The following ITGB7 variants were observed in gnomAD, a reference collection of about 807,000 sequenced individuals.
The protein encoded by ITGB7 is integrin subunit beta 7.
In ITGB7, 55 loss-of-function variants were observed where a neutral mutation model predicts 83.4. That is an observed-to-expected ratio of 0.66 (90% CI 0.53 to 0.83). The LOEUF (loss-of-function observed/expected upper bound fraction) is 0.83. Ranked by LOEUF, ITGB7 falls within the 40% of genes least tolerant of loss-of-function variation. The pLI is 0.00. For missense variants in ITGB7, 921 were observed against 1,046.7 expected (o/e 0.88, Z 1.66); for synonymous variants, 454 against 423.6 (o/e 1.07, Z -0.88).
chr12:53,194,613 A>G (rs1379376545), intron 9 of ITGB7: 2 of 397,442 alleles, frequency 5.0e-6, no homozygotes, highest in Non-Finnish European at 9.4e-6. Context: ...CAGGTGCTGT[A>G]AATGTACAGA....
intron 1 of ITGB7, among the ~76,000 whole-genome samples, chr12:53,203,056 C>A (rs1229822441): frequency 6.6e-6 from 1 of 152,048 alleles, no homozygotes; most frequent in Non-Finnish European, 1.5e-5. Flanking sequence ...AAAGCACAAA[C>A]AACAAAAGGA....
At chr12:53,201,908 GA>G (rs1565708717) in intron 1 of ITGB7, among the ~76,000 whole-genome samples, 1 of 151,604 alleles carries the variant, frequency 6.6e-6, no homozygotes, top group East Asian at 1.9e-4. Context: ...CTCTTAAAAA[GA>G]AAAAAAGAAG....
At chr12:53,199,075 G>A (rs529931885) in intron 3 of ITGB7, among the ~76,000 whole-genome samples, 1 of 152,202 alleles carries the variant, frequency 6.6e-6, no homozygotes, top group Admixed American at 6.5e-5. Flanking sequence ...CCTTTCTCCT[G>A]GGTCCCTGTG....
intron 5 of ITGB7, 138 bp downstream of exon 5, chr12:53,197,355 C>T: frequency 2.2e-6 from 2 of 927,346 alleles, no homozygotes; most frequent in Non-Finnish European, 3.6e-6. Context: ...GATGCAGGAA[C>T]GAACCTGTGG....
At chr12:53,197,273 C>T (rs534803703) in intron 5 of ITGB7, 1 of 634,774 alleles carries the variant, frequency 1.6e-6, no homozygotes, top group Non-Finnish European at 2.9e-6. Flanking sequence ...GACGCTGGGT[C>T]TCAGGCCTGT....
chr12:53,191,646 G>A lies in ITGB7; in HGVS notation c.2317-10C>T. The A allele has an allele frequency of 6.2e-7, 1 of 1,610,208 alleles. No homozygotes were observed. Among genetic ancestry groups the A allele is most frequent in the Non-Finnish European group, 8.5e-7 (1 of 1,176,430 alleles). On this transcript the variant is annotated splice_polypyrimidine_tract_variant and intron_variant, in intron 15 of 15. Coordinates refer to ENST00000267082, the MANE Select transcript of ITGB7 (RefSeq NM_000889.3). ...AGAGAGGATTACTGTCCTGGAGAAA[G>A]ATGTTGCAGATTATAAGCAAAAATC...
intron 15 of ITGB7, 24 bp from the exon 16 acceptor site, chr12:53,191,660 T>C: frequency 6.2e-7 from 1 of 1,601,668 alleles, no homozygotes; most frequent in South Asian, 1.1e-5. Context: ...TTGCAGATTA[T>C]AAGCAAAAAT....
At chr12:53,203,893 G>T (rs1336748089) in intron 1 of ITGB7, among the ~76,000 whole-genome samples, 2 of 152,158 alleles carry the variant, frequency 1.3e-5, no homozygotes. Context: ...CTATAACCTG[G>T]CAATTTCACT....
Position 53,193,715 on chromosome 12 carries a change from C to T in ITGB7, c.1495G>A (p.Val499Ile), listed in dbSNP as rs751788893. Residue 499 changes from valine to isoleucine, a missense_variant, in exon 11 of 16, where the codon GTA becomes ATA. Val to Ile is a conservative substitution (Grantham distance 29). Transcript: ENST00000267082. The stretch of plus-strand genomic sequence containing the variant: ...GGAAGAGGAGGCCCTCACCTGCATA[C>T]ACCACATTGTAGGTGTCCCTGGCCA... ...SDGQGHLQCG[V>I]CSCAPGRLGR... 6.8e-6 allele frequency: 11 copies of T among 1,611,860 alleles called. No individual in the cohort carries two copies. The highest frequency in any genetic ancestry group is 8.5e-6 in the Non-Finnish European group (10 of 1,178,840).
At position 53,196,755 on chromosome 12, in the gene ITGB7, G is replaced by A. The variant is rs773339040; in HGVS notation, c.640C>T (p.His214Tyr). 1.9e-6 allele frequency: 3 copies of A among 1,613,644 alleles called. No individual in the cohort carries two copies. Among genetic ancestry groups the A allele is most frequent in the Non-Finnish European group, 2.5e-6 (3 of 1,179,790 alleles). The part of the protein sequence containing the change: ...FVSTVPSKLR[H>Y]PCPTRLERCQ... ...CGCTCCAGCCGGGTGGGGCAGGGGTGGCGCAGTTTGGAGGGTACTGTGCTC... is the reference window on the plus strand; with the variant it reads ...CGCTCCAGCCGGGTGGGGCAGGGGTAGCGCAGTTTGGAGGGTACTGTGCTC... Residue 214 changes from histidine (H) to tyrosine (Y), a missense_variant, in exon 6 of 16, where the codon CAC (histidine) becomes TAC (tyrosine). Transcript: ENST00000267082.
rs1238309807 is a variant in ITGB7, at chr12:53,192,405, C to T, written c.2080G>A (p.Asp694Asn). 5 of 1,614,134 alleles carry T rather than the reference C, an allele frequency of 3.1e-6. 1 individual carries two copies. In the South Asian group the frequency reaches 5.5e-5, roughly 18 times the overall value. The change falls in exon 14 of 16, where the codon GAC (aspartate) becomes AAC (asparagine). Residue 694 changes from aspartate (D) to asparagine (N), a missense_variant. Transcript: ENST00000267082. The stretch of plus-strand genomic sequence containing the variant: ...ACCAAGAAGAAGAACAGCTGGTTGT[C>T]CAGGGTCCGCTCTTTGCACCAGCCA... ...DDGWCKERTL[D>N]NQLFFFLVED...
chr12:53,196,699 C>T lies in ITGB7; in HGVS notation c.696G>A (p.Val232=), dbSNP rs142967242. ...CTTGTGCGTCCCCCGTCAGGGACAG[C>T]ACATGGTGAAAGCTGAATGGTGACT... ...RCQSPFSFHH[V]LSLTGDAQAF... is the part of the protein sequence containing the mutation. Residue 232 remains valine, a synonymous_variant, in exon 6 of 16, where the codon GTG becomes GTA. Coordinates refer to ENST00000267082, the MANE Select transcript of ITGB7 (RefSeq NM_000889.3). 96 of 1,612,514 alleles carry T rather than the reference C, an allele frequency of 6.0e-5. No individual in the cohort carries two copies. The African/African-American group carries it at 1.2e-3, about 20-fold the overall frequency.
chr12:53,196,660 C>T lies in ITGB7; in HGVS notation c.735G>A (p.Glu245=), dbSNP rs368434898. The T allele has an allele frequency of 3.7e-6, 6 of 1,611,598 alleles. No homozygotes were observed. The African/African-American group carries it at 5.3e-5, about 14-fold the overall frequency. Residue 245 remains glutamate, a synonymous_variant, in exon 6 of 16, where the codon GAG becomes GAA. Coordinates refer to ENST00000267082, the MANE Select transcript of ITGB7 (RefSeq NM_000889.3). ...TGCCGGACACACTCTGGCGCCCCAC[C>T]TCCCGCTCGAAGGCTTGTGCGTCCC... is the stretch of plus-strand genomic sequence containing the variant. ...LTGDAQAFER[E]VGRQSVSGNL...
At chr12:53,191,810 TGTG>T (rs759781483) in intron 15 of ITGB7, 46 bp downstream of exon 15, 90 of 1,609,346 alleles carry the variant, frequency 5.6e-5, no homozygotes, top group Middle Eastern at 1.6e-4. Flanking sequence ...GGGCTGGTCT[TGTG>T]GTGGGGGAAC....
intron 1 of ITGB7, among the ~76,000 whole-genome samples, chr12:53,203,175 A>G (rs1372765217): frequency 6.6e-6 from 1 of 152,232 alleles, no homozygotes; most frequent in Non-Finnish European, 1.5e-5. Context: ...TGCAGATTAT[A>G]TATCAGATGA....
chr12:53,200,485 G>T, intron 2 of ITGB7, 39 bp from the exon 3 acceptor site: 3 of 1,554,754 alleles, frequency 1.9e-6, no homozygotes, highest in Non-Finnish European at 2.7e-6. Context: ...GGGTCCTCAG[G>T]GAGGACTCTC....
chr12:53,197,605 C>T lies in ITGB7; in HGVS notation c.462G>A (p.Leu154=). Residue 154 remains leucine, a synonymous_variant, in exon 5 of 16, where the codon CTG becomes CTA. Coordinates refer to ENST00000267082, the MANE Select transcript of ITGB7 (RefSeq NM_000889.3). The stretch of plus-strand genomic sequence containing the variant: ...AGTAGCTCAGGTCCATAAGGTAGTA[C>T]AGGTCCACCGGGTATCCCTCAGCAC... ...FLRAEGYPVD[L]YYLMDLSYSM... is the part of the protein sequence containing the mutation. 3 of 1,614,174 alleles carry T rather than the reference C, an allele frequency of 1.9e-6. No individual in the cohort carries two copies. Among genetic ancestry groups the T allele is most frequent in the Non-Finnish European group, 2.5e-6 (3 of 1,180,006 alleles).
intron 1 of ITGB7, among the ~76,000 whole-genome samples, chr12:53,201,621 A>G (rs1379517792): frequency 1.3e-5 from 2 of 150,268 alleles, no homozygotes; most frequent in Non-Finnish European, 2.9e-5. Context: ...TCATAAGTCA[A>G]AAAGTTAAAT....
Position 53,196,139 on chromosome 12 carries a change from G to A in ITGB7, c.877C>T (p.His293Tyr). The A allele has an allele frequency of 6.2e-7, 1 of 1,614,192 alleles. No individual in the cohort carries two copies. The highest frequency in any genetic ancestry group is 1.1e-5 in the South Asian group (1 of 91,086). The stretch of plus-strand genomic sequence containing the variant: ...CCCAACTTCCCGTCCCCAGCTGTAT[G>A]GAATGTGTCGTCTGAAGTGAACACC... ...LLVFTSDDTF[H>Y]TAGDGKLGGI... is the part of the protein sequence containing the mutation. Residue 293 changes from histidine (H) to tyrosine (Y), a missense_variant, in exon 7 of 16, where the codon CAT becomes TAT. By Grantham distance (83) the His-to-Tyr change is moderately conservative (BLOSUM62 2). Coordinates refer to ENST00000267082, the MANE Select transcript of ITGB7 (RefSeq NM_000889.3).
Sources: allele counts gnomAD v4.1 joint callset (sites outside exome capture counted in the v4.1 genomes callset), GRCh38; gene constraint gnomAD v4.1.1; transcripts MANE v1.5; gene names NCBI Gene and HGNC (gene_info 2026-07-23, HGNC 2026-07-21).